IMMP2L: variants seen among roughly 807,000 people sequenced by gnomAD.
The protein encoded by IMMP2L is inner mitochondrial membrane peptidase subunit 2.
A neutral mutation model predicts 19.3 loss-of-function variants in IMMP2L; 18 were observed. The observed-to-expected ratio is 0.93, with a 90% CI of 0.64 to 1.38. IMMP2L has a LOEUF of 1.38. Among genes scored for constraint, IMMP2L ranks in the 40% most tolerant of loss-of-function variants. The pLI is 0.00. For synonymous variants in IMMP2L, 76 were observed against 73.0 expected (o/e 1.04, Z -0.21); for missense variants, 233 against 218.2 (o/e 1.07, Z -0.43).
At chr7:111,507,682 T>G (rs1289033238) in intron 2 of IMMP2L, among the ~76,000 whole-genome samples, 1 of 152,116 alleles carries the variant, frequency 6.6e-6, no homozygotes, top group African/African-American at 2.4e-5. Flanking sequence ...TACCAATTTT[T>G]GTTTCAGTTA....
intron 3 of IMMP2L, chr7:111,392,688 C>CA (rs1341842060): frequency 2.2e-6 from 1 of 450,796 alleles, no homozygotes; most frequent in East Asian, 7.0e-5. Context: ...CCCTAGGTTA[C>CA]ACACACTTCT....
intron 3 of IMMP2L, among the ~76,000 whole-genome samples, chr7:111,308,725 GA>G (rs1364383608): frequency 6.6e-6 from 1 of 151,908 alleles, no homozygotes; most frequent in Non-Finnish European, 1.5e-5. Flanking sequence ...ATTCTCAGGA[GA>G]AATTTTGGGG....
intron 3 of IMMP2L, among the ~76,000 whole-genome samples, chr7:111,429,923 AT>A (rs1348184099): frequency 6.6e-6 from 1 of 151,930 alleles, no homozygotes; most frequent in African/African-American, 2.4e-5. Flanking sequence ...TATAGCAAGT[AT>A]GCTTGGATAA....
intron 5 of IMMP2L, among the ~76,000 whole-genome samples, chr7:110,851,530 T>G (rs1404328261): frequency 7.9e-5 from 12 of 152,132 alleles, no homozygotes; most frequent in Admixed American, 3.9e-4. Flanking sequence ...TCTATCATGC[T>G]TGATACTGAG....
At chr7:111,502,991 A>G (rs1165373921) in intron 2 of IMMP2L, among the ~76,000 whole-genome samples, 6 of 151,526 alleles carry the variant, frequency 4.0e-5, no homozygotes, top group African/African-American at 7.3e-5. Flanking sequence ...TGAAGGAAAT[A>G]GAGACACAAA....
intron 3 of IMMP2L, among the ~76,000 whole-genome samples, chr7:111,051,003 A>G (rs2129572880): frequency 6.6e-6 from 1 of 152,308 alleles, no homozygotes; most frequent in South Asian, 2.1e-4. Flanking sequence ...AGGATAAAAG[A>G]AAATATTCAG....
chr7:111,496,515 C>T (rs1470747993), intron 2 of IMMP2L, among the ~76,000 whole-genome samples: 1 of 152,138 alleles, frequency 6.6e-6, no homozygotes, highest in Non-Finnish European at 1.5e-5. Flanking sequence ...TCCACCCTCA[C>T]CCAACATGGG....
chr7:111,112,286 T>C (rs1172425063), intron 3 of IMMP2L, among the ~76,000 whole-genome samples: 1 of 152,104 alleles, frequency 6.6e-6, no homozygotes, highest in Non-Finnish European at 1.5e-5. Flanking sequence ...AACTTTAACC[T>C]GCATATAGTG....
chr7:110,689,131 G>T (rs1264660631), intron 5 of IMMP2L, among the ~76,000 whole-genome samples: 2 of 152,084 alleles, frequency 1.3e-5, no homozygotes, highest in Non-Finnish European at 2.9e-5. Flanking sequence ...GTGGAACTCC[G>T]CATTCTGTGG....
intron 5 of IMMP2L, among the ~76,000 whole-genome samples, chr7:110,712,172 G>T (rs1794919306): frequency 7.4e-6 from 1 of 135,602 alleles, no homozygotes; most frequent in African/African-American, 2.6e-5. Flanking sequence ...TGATGGTGAT[G>T]AACAGATGGG....
intron 4 of IMMP2L, among the ~76,000 whole-genome samples, chr7:110,951,112 A>G (rs1410271080): frequency 6.6e-6 from 1 of 151,230 alleles, no homozygotes; most frequent in Non-Finnish European, 1.5e-5. Flanking sequence ...GGTTACCAGG[A>G]GCTGGGGGAG....
At chr7:110,991,762 G>A (rs889727608) in intron 3 of IMMP2L, among the ~76,000 whole-genome samples, 46 of 152,066 alleles carry the variant, frequency 3.0e-4, no homozygotes, top group African/African-American at 1.1e-3. Flanking sequence ...TATTATCTAT[G>A]AATCAAAATA....
intron 3 of IMMP2L, among the ~76,000 whole-genome samples, chr7:111,314,343 T>G (rs1386833169): frequency 6.6e-6 from 1 of 152,054 alleles, no homozygotes; most frequent in Non-Finnish European, 1.5e-5. Flanking sequence ...TGTATATAAT[T>G]TGAAATATAG....
intron 5 of IMMP2L, among the ~76,000 whole-genome samples, chr7:110,834,508 G>A (rs1480308206): frequency 6.6e-6 from 1 of 152,050 alleles, no homozygotes; most frequent in Non-Finnish European, 1.5e-5. Flanking sequence ...AGAAATAGGA[G>A]ACAACCCCTG....
intron 3 of IMMP2L, among the ~76,000 whole-genome samples, chr7:111,299,045 G>C (rs1821930551): frequency 1.3e-5 from 2 of 151,970 alleles, no homozygotes; most frequent in Admixed American, 1.3e-4. Flanking sequence ...TTTATTTAAG[G>C]ACAAGCCTAC....
chr7:111,522,653 T>C (rs187012304), intron 1 of IMMP2L, among the ~76,000 whole-genome samples: 2 of 152,012 alleles, frequency 1.3e-5, no homozygotes, highest in East Asian at 3.9e-4. Context: ...CTGGCAAAGG[T>C]GGAGCAAAAG....
At chr7:111,191,474 A>ACACAC (rs1562906824) in intron 3 of IMMP2L, among the ~76,000 whole-genome samples, 4 of 137,716 alleles carry the variant, frequency 2.9e-5, no homozygotes, top group East Asian at 2.3e-4. Flanking sequence ...ACACACACAC[A>ACACAC]AAACTTATAT....
intron 3 of IMMP2L, among the ~76,000 whole-genome samples, chr7:111,316,463 A>G (rs2130395476): frequency 6.6e-6 from 1 of 152,274 alleles, no homozygotes; most frequent in East Asian, 1.9e-4. Flanking sequence ...ATGAATACAT[A>G]GTTAGGGAGA....
intron 3 of IMMP2L, among the ~76,000 whole-genome samples, chr7:111,154,825 A>G (rs1175132284): frequency 1.3e-5 from 2 of 152,118 alleles, no homozygotes; most frequent in Non-Finnish European, 2.9e-5. Context: ...TGGTGTGACC[A>G]TGGTTCATTG....
Sources: allele counts gnomAD v4.1 joint callset (sites outside exome capture counted in the v4.1 genomes callset), GRCh38; gene constraint gnomAD v4.1.1; transcripts MANE v1.5; gene names NCBI Gene and HGNC (gene_info 2026-07-23, HGNC 2026-07-21).